ANK2: variants seen among roughly 807,000 people sequenced by gnomAD.
The protein encoded by ANK2 is ankyrin-2.
Under a neutral mutation model 360.5 loss-of-function variants are expected in ANK2, and 83 were observed. The ratio of observed to expected loss-of-function variants is 0.23; its 90% CI spans 0.19 to 0.28. ANK2 has a LOEUF of 0.28. Ranked by LOEUF, ANK2 falls within the 10% of genes least tolerant of loss-of-function variation. The pLI, the probability that ANK2 is intolerant of heterozygous loss-of-function variation, is 1.00. For missense variants in ANK2, 4,201 were observed against 4,795.7 expected (o/e 0.88, Z 3.66); for synonymous variants, 1,740 against 1,759.5 (o/e 0.99, Z 0.28).
chr4:112,897,877 T>C (rs1239470676), intron 1 of ANK2, among the ~76,000 whole-genome samples: 1 of 152,198 alleles, frequency 6.6e-6, no homozygotes, highest in Non-Finnish European at 1.5e-5. Context: ...ATTTCCTTTT[T>C]GAGGCTGGGA....
intron 1 of ANK2, among the ~76,000 whole-genome samples, chr4:112,850,679 G>A (rs879368364): frequency 8.6e-5 from 13 of 150,856 alleles, no homozygotes; most frequent in Admixed American, 2.6e-4. Flanking sequence ...ACCACGCCCA[G>A]CTAATTTTTT....
chr4:113,163,012 A>G (rs1370286626), intron 1 of ANK2, among the ~76,000 whole-genome samples: 1 of 152,124 alleles, frequency 6.6e-6, no homozygotes, highest in African/African-American at 2.4e-5. Flanking sequence ...AGGTTTACAT[A>G]TTTAGATAGA....
chr4:113,026,065 G>A (rs543515416), intron 2 of ANK2, among the ~76,000 whole-genome samples: 69 of 152,246 alleles, frequency 4.5e-4, no homozygotes, highest in African/African-American at 1.6e-3. Context: ...TAGACAAAGC[G>A]TATATGGTAC....
chr4:112,971,195 A>G (rs2154266232), intron 2 of ANK2, among the ~76,000 whole-genome samples: 1 of 152,230 alleles, frequency 6.6e-6, no homozygotes, highest in East Asian at 1.9e-4. Context: ...CTTGATTTGT[A>G]TTAGATTTAT....
the ANK2 span, among the ~76,000 whole-genome samples, chr4:112,752,418 T>C: frequency 2.0e-5 from 3 of 152,170 alleles, no homozygotes; most frequent in Non-Finnish European, 4.4e-5. Flanking sequence ...AGCTTTTGTT[T>C]TTTGTCTTTT....
In ANK2 at chr4:113,314,748, G is replaced by A. The variant is rs978441733; in HGVS notation, c.2694-2959G>A. On this transcript the variant is annotated intron_variant, in intron 24 of 45. Coordinates refer to ENST00000357077, the MANE Select transcript of ANK2 (RefSeq NM_001148.6). ...TTTAGAGGGAATATTCTTTTAGAGC[G>A]AATAACTTCTCTGGTGTTGGAATAG... Among the ~76,000 whole-genome samples the A allele has an allele frequency of 3.3e-5, 5 of 152,098 alleles. No individual in the cohort carries two copies. The East Asian group carries it at 7.7e-4, about 23-fold the overall frequency.
chr4:113,042,826 G>A (rs2063307323), intron 2 of ANK2, among the ~76,000 whole-genome samples: 1 of 152,084 alleles, frequency 6.6e-6, no homozygotes, highest in Non-Finnish European at 1.5e-5. Flanking sequence ...TCTATTTACA[G>A]CTCAGATCTT....
chr4:113,127,118 G>A (rs561174460), intron 1 of ANK2, among the ~76,000 whole-genome samples: 1 of 151,882 alleles, frequency 6.6e-6, no homozygotes, highest in South Asian at 2.1e-4. Context: ...TCAAACAGAA[G>A]CTCTTTTAAA....
the ANK2 span, among the ~76,000 whole-genome samples, chr4:112,770,559 A>G: frequency 6.6e-6 from 1 of 152,162 alleles, no homozygotes; most frequent in Non-Finnish European, 1.5e-5. Flanking sequence ...TACAAAAATT[A>G]TCAGAGCATA....
chr4:113,345,804 C>A, intron 34 of ANK2, 96 bp from the exon 35 acceptor site: 1 of 1,512,314 alleles, frequency 6.6e-7, no homozygotes. Flanking sequence ...CTAGCAGTAA[C>A]AAATGAATTT....
intron 1 of ANK2, among the ~76,000 whole-genome samples, chr4:113,086,335 G>A (rs1408477694): frequency 6.6e-6 from 1 of 152,162 alleles, no homozygotes; most frequent in Non-Finnish European, 1.5e-5. Context: ...AATTCGAAAA[G>A]AGGTTTGACT....
At chr4:113,067,831 T>C (rs977424876) in intron 1 of ANK2, among the ~76,000 whole-genome samples, 13 of 152,214 alleles carry the variant, frequency 8.5e-5, no homozygotes, top group Non-Finnish European at 1.9e-4. Flanking sequence ...AGCATGAGTC[T>C]AAAGTTGCTA....
chr4:113,357,220 A>G lies in ANK2; in HGVS notation c.8602A>G (p.Thr2868Ala). Residue 2868 changes from threonine to alanine, a missense_variant, in exon 38 of 46, where the codon ACA becomes GCA. By Grantham distance (58) the Thr-to-Ala change is moderately conservative (BLOSUM62 0). Around this residue, in one of 4 missense-constraint regions of ANK2, gnomAD observed 2,642 missense variants for 2,714.5 expected, o/e 0.97. Coordinates refer to ENST00000357077, the MANE Select transcript of ANK2 (RefSeq NM_001148.6). ...GKELDEDISA[T>A]SSIQKTEVTK... Reference sequence around the variant, plus strand: ...AGAATTAGATGAAGACATATCTGCCACATCTTCTATTCAAAAAACAGAGGT... The same window carrying G: ...AGAATTAGATGAAGACATATCTGCCGCATCTTCTATTCAAAAAACAGAGGT... 6.2e-7 allele frequency: 1 copy of G among 1,614,104 alleles called. No homozygotes were observed. The highest frequency in any genetic ancestry group is 8.5e-7 in the Non-Finnish European group (1 of 1,179,994).
chr4:112,868,640 TC>T (rs1258820632), intron 1 of ANK2, among the ~76,000 whole-genome samples: 3 of 152,254 alleles, frequency 2.0e-5, no homozygotes, highest in African/African-American at 7.2e-5. Flanking sequence ...TCAAATTTGT[TC>T]CTCATTTGTT....
At chr4:113,346,149 T>C in intron 35 of ANK2, 127 bp downstream of exon 35, 1 of 1,084,192 alleles carries the variant, frequency 9.2e-7, no homozygotes, top group Non-Finnish European at 1.4e-6. Context: ...ATAAAATGAA[T>C]ACCAACAAAG....
At chr4:113,326,127 G>A (rs942596007) in intron 26 of ANK2, among the ~76,000 whole-genome samples, 4 of 152,020 alleles carry the variant, frequency 2.6e-5, no homozygotes, top group African/African-American at 4.8e-5. Flanking sequence ...ATAAAAGTAC[G>A]TTTGCTTACA....
chr4:112,731,074 G>A, the ANK2 span, among the ~76,000 whole-genome samples: 1 of 151,916 alleles, frequency 6.6e-6, no homozygotes, highest in Non-Finnish European at 1.5e-5. Flanking sequence ...CCCAGGAGGT[G>A]GAGGTTGCAG....
intron 1 of ANK2, among the ~76,000 whole-genome samples, chr4:112,841,701 G>A (rs1356103514): frequency 6.6e-6 from 1 of 152,110 alleles, no homozygotes; most frequent in Non-Finnish European, 1.5e-5. Flanking sequence ...CTTACTGACC[G>A]AATCATTCTT....
In ANK2 at chr4:113,242,342, A is replaced by T. The variant is rs1033576206; in HGVS notation, c.891+133A>T. The T allele has an allele frequency of 3.7e-6, 3 of 804,796 alleles. No individual in the cohort carries two copies. The African/African-American group carries it at 5.1e-5, about 14-fold the overall frequency. The allele number at this position is 804,796 out of a possible 1,614,324, so 49.9% of individuals were successfully genotyped here. On this transcript the variant is annotated intron_variant, in intron 9 of 45. Coordinates refer to ENST00000357077, the MANE Select transcript of ANK2 (RefSeq NM_001148.6). ...AAATTGCTTTATTGGAATTGATTTAAATCTCATACAACATTTAAAGGGTTC... is the reference window on the plus strand; with the variant it reads ...AAATTGCTTTATTGGAATTGATTTATATCTCATACAACATTTAAAGGGTTC...
Sources: allele counts gnomAD v4.1 joint callset (sites outside exome capture counted in the v4.1 genomes callset), GRCh38; gene constraint gnomAD v4.1.1; regional missense constraint gnomAD v4.1.1; transcripts MANE v1.5; gene names NCBI Gene and HGNC (gene_info 2026-07-23, HGNC 2026-07-21).